TSHZ3: variants seen among roughly 807,000 people sequenced by gnomAD.
TSHZ3 encodes the protein teashirt zinc finger homeobox 3.
In TSHZ3, 10 loss-of-function variants were observed where a neutral mutation model predicts 64.5. That is an observed-to-expected ratio of 0.16 (90% CI 0.10 to 0.26). The LOEUF (loss-of-function observed/expected upper bound fraction) is 0.26, where lower values mean the gene tolerates loss of function less well. Ranked by LOEUF, TSHZ3 falls within the 10% of genes least tolerant of loss-of-function variation. The probability of loss-of-function intolerance (pLI) is 1.00; values close to 1 mark genes in which losing one functional copy is unlikely to be tolerated. For synonymous variants in TSHZ3, 608 were observed against 593.1 expected, an observed-to-expected ratio of 1.03 and a Z score of -0.36; for missense variants, 1,242 against 1,421.7, an observed-to-expected ratio of 0.87 and a Z score of 2.03.
intron 3 of TSHZ3, among the ~76,000 whole-genome samples, chr19:31,229,752 G>A (rs1315703067): frequency 1.3e-5 from 2 of 152,046 alleles, no homozygotes; most frequent in African/African-American, 2.4e-5. Flanking sequence ...ATGTCAATGT[G>A]GACAAAAGAC....
At chr19:31,334,571 G>C (rs929289436) in intron 1 of TSHZ3, among the ~76,000 whole-genome samples, 1 of 152,154 alleles carries the variant, frequency 6.6e-6, no homozygotes, top group African/African-American at 2.4e-5. Context: ...CCAGCAGGGT[G>C]GGGGCTGAGC....
intron 5 of TSHZ3, among the ~76,000 whole-genome samples, chr19:31,178,164 A>T (rs542066492): frequency 3.3e-5 from 5 of 152,266 alleles, no homozygotes; most frequent in African/African-American, 1.2e-4. Context: ...GATAGATATG[A>T]TCGTTCTTTT....
chr19:31,261,644 T>C (rs577574315), intron 1 of TSHZ3, among the ~76,000 whole-genome samples: 2 of 152,234 alleles, frequency 1.3e-5, no homozygotes, highest in Non-Finnish European at 2.9e-5. Context: ...ACTTTCACTC[T>C]GACCGTTGCC....
intron 1 of TSHZ3, among the ~76,000 whole-genome samples, chr19:31,295,371 G>A (rs775995202): frequency 3.3e-5 from 5 of 152,260 alleles, no homozygotes; most frequent in South Asian, 4.1e-4. Flanking sequence ...CCTTTGATAC[G>A]CTATTCACAA....
At chr19:31,335,828 G>A (rs181168614) in intron 1 of TSHZ3, among the ~76,000 whole-genome samples, 5 of 152,236 alleles carry the variant, frequency 3.3e-5, no homozygotes, top group East Asian at 3.9e-4. Context: ...TGTCACCCCC[G>A]TGGGCTCCAA....
At chr19:31,289,598 C>G (rs1976527729) in intron 1 of TSHZ3, among the ~76,000 whole-genome samples, 1 of 152,178 alleles carries the variant, frequency 6.6e-6, no homozygotes, top group Admixed American at 6.5e-5. Context: ...CAGTCCCGCT[C>G]CATCCCACTG....
At chr19:31,289,501 G>A (rs1010938477) in intron 1 of TSHZ3, among the ~76,000 whole-genome samples, 1 of 152,216 alleles carries the variant, frequency 6.6e-6, no homozygotes, top group Non-Finnish European at 1.5e-5. Context: ...TGCAGCATTA[G>A]TGTTCCTGAC....
intron 5 of TSHZ3, among the ~76,000 whole-genome samples, chr19:31,181,495 G>A (rs138117874): frequency 0.03 from 4,511 of 152,234 alleles, 105 homozygotes; most frequent in South Asian, 0.052. Context: ...CTGTGGCTGG[G>A]TCAGAGGAGA....
chr19:31,316,133 A>G (rs762805044), intron 1 of TSHZ3, among the ~76,000 whole-genome samples: 1 of 152,246 alleles, frequency 6.6e-6, no homozygotes, highest in Non-Finnish European at 1.5e-5. Flanking sequence ...AAGAGAGTCC[A>G]AAATGCAGGA....
At position 31,168,345 on chromosome 19, in the gene TSHZ3, G is replaced by A. The variant is rs563048106; in HGVS notation, n.810-11928C>T. Among the ~76,000 whole-genome samples, 40 of 152,184 alleles carry A rather than the reference G, an allele frequency of 2.6e-4. No individual in the cohort carries two copies. In the South Asian group the frequency reaches 7.3e-3, roughly 28 times the overall value. On this transcript the variant is annotated intron_variant and non_coding_transcript_variant, in intron 5 of 6. Transcript: ENST00000651361. Reference sequence around the variant, plus strand: ...TGGGAAATATCCTCTTTTTTGGCAGGCACACAGAGCACTGCATTATCTGTC... The same window carrying A: ...TGGGAAATATCCTCTTTTTTGGCAGACACACAGAGCACTGCATTATCTGTC...
At chr19:31,212,580 G>C (rs557508397) in intron 4 of TSHZ3, among the ~76,000 whole-genome samples, 1 of 152,284 alleles carries the variant, frequency 6.6e-6, no homozygotes, top group East Asian at 1.9e-4. Flanking sequence ...ACAAAATCGA[G>C]AACACTGACA....
At chr19:31,189,527 C>A (rs552141456) in intron 5 of TSHZ3, among the ~76,000 whole-genome samples, 1 of 151,456 alleles carries the variant, frequency 6.6e-6, no homozygotes, top group Admixed American at 6.6e-5. Context: ...TGATTTATTC[C>A]CAGATATATG....
At chr19:31,307,364 CA>C (rs1888984015) in intron 1 of TSHZ3, among the ~76,000 whole-genome samples, 1 of 152,024 alleles carries the variant, frequency 6.6e-6, no homozygotes, top group African/African-American at 2.4e-5. Context: ...ACGATGGGGC[CA>C]ACTGCATATG....
chr19:31,228,748 T>A (rs1172337769), intron 3 of TSHZ3, among the ~76,000 whole-genome samples: 1 of 152,110 alleles, frequency 6.6e-6, no homozygotes, highest in Non-Finnish European at 1.5e-5. Flanking sequence ...TCTCTACCAA[T>A]GCTGCCAGGA....
chr19:31,191,333 G>A (rs566079311), intron 5 of TSHZ3, among the ~76,000 whole-genome samples: 55 of 152,248 alleles, frequency 3.6e-4, no homozygotes, highest in African/African-American at 1.2e-3. Flanking sequence ...AAAGCAATAT[G>A]AGTACTGCTA....
At chr19:31,158,291 C>T (rs1974331520) in intron 5 of TSHZ3, among the ~76,000 whole-genome samples, 1 of 152,190 alleles carries the variant, frequency 6.6e-6, no homozygotes, top group Non-Finnish European at 1.5e-5. Context: ...ATATGTATCT[C>T]ATTAACAATT....
intron 3 of TSHZ3, among the ~76,000 whole-genome samples, chr19:31,236,282 A>G (rs1568355843): frequency 6.6e-6 from 1 of 152,196 alleles, no homozygotes; most frequent in Non-Finnish European, 1.5e-5. Context: ...CTTTTTCTCC[A>G]TATCCTCATC....
chr19:31,196,184 T>C (rs1439162497), intron 5 of TSHZ3, among the ~76,000 whole-genome samples: 1 of 151,970 alleles, frequency 6.6e-6, no homozygotes, highest in East Asian at 1.9e-4. Context: ...TATTAAAGTA[T>C]TCACATTATC....
chr19:31,277,172 A>G lies in TSHZ3; in HGVS notation c.2621T>C (p.Ile874Thr). Residue 874 changes from isoleucine to threonine, a missense_variant, in exon 2 of 2, where the codon ATT becomes ACT. Transcript: ENST00000240587. This position sits in a 1 kb window ranked among gnomAD's most constrained non-coding sequence, Gnocchi z 4.5. ...AGCCTCCTCCAGAGTGGCCCCGTCA[A>G]TGTCAGACTTCTCGGAGATGCTGGA... is the stretch of plus-strand genomic sequence containing the variant. ...TPSSISEKSD[I>T]DGATLEEAEE... 1 of 1,614,026 alleles carries G rather than the reference A, an allele frequency of 6.2e-7. No individual in the cohort carries two copies. Among genetic ancestry groups the G allele is most frequent in the Admixed American group, 1.7e-5 (1 of 60,006 alleles).
Sources: allele counts gnomAD v4.1 joint callset (sites outside exome capture counted in the v4.1 genomes callset), GRCh38; gene constraint gnomAD v4.1.1; non-coding constraint Gnocchi (gnomAD v3.1); transcripts MANE v1.5; gene names NCBI Gene and HGNC (gene_info 2026-07-23, HGNC 2026-07-21).